F13A1: variants seen among roughly 807,000 people sequenced by gnomAD.
The protein encoded by F13A1 is coagulation factor XIII A chain.
Under a neutral mutation model 80.1 loss-of-function variants are expected in F13A1, and 47 were observed. The ratio of observed to expected loss-of-function variants is 0.59; its 90% CI spans 0.46 to 0.75. The LOEUF (loss-of-function observed/expected upper bound fraction) is 0.75. F13A1 is among the 30% of genes least tolerant of loss of function. The pLI is 0.00. For missense variants in F13A1, 817 were observed against 930.4 expected (o/e 0.88, Z 1.59); for synonymous variants, 349 against 344.9 (o/e 1.01, Z -0.13).
At chr6:6,268,938 G>A (rs189102636) in intron 3 of F13A1, among the ~76,000 whole-genome samples, 68 of 151,612 alleles carry the variant, frequency 4.5e-4, no homozygotes, top group Middle Eastern at 3.4e-3. Context: ...GTTCCCCCCC[G>A]CCTCAGCCTC....
At chr6:6,232,170 GA>G (rs2113075399) in intron 6 of F13A1, among the ~76,000 whole-genome samples, 1 of 152,150 alleles carries the variant, frequency 6.6e-6, no homozygotes, top group East Asian at 1.9e-4. Flanking sequence ...GAATGGATAA[GA>G]ACTCACCAAC....
chr6:6,150,167 G>A (rs1760348568), intron 14 of F13A1, among the ~76,000 whole-genome samples: 1 of 152,168 alleles, frequency 6.6e-6, no homozygotes, highest in Non-Finnish European at 1.5e-5. Flanking sequence ...TTTACTGTCT[G>A]GGAAGGAAAA....
chr6:6,189,798 G>T (rs914790074), intron 10 of F13A1, among the ~76,000 whole-genome samples: 6 of 151,330 alleles, frequency 4.0e-5, no homozygotes, highest in African/African-American at 1.5e-4. Context: ...AAGTTCTCCT[G>T]GATAATATCC....
intron 3 of F13A1, among the ~76,000 whole-genome samples, chr6:6,296,106 T>C (rs1272763284): frequency 2.0e-5 from 3 of 150,352 alleles, no homozygotes; most frequent in Admixed American, 6.6e-5. Context: ...TTGATCTATA[T>C]CTCTGTTTTG....
intron 3 of F13A1, among the ~76,000 whole-genome samples, chr6:6,286,887 G>A (rs1439591407): frequency 6.6e-6 from 1 of 152,190 alleles, no homozygotes; most frequent in East Asian, 1.9e-4. Context: ...GTCTGGCTCT[G>A]GCTGCTGTTA....
In F13A1 at chr6:6,266,823, G is replaced by C; in HGVS notation, c.320-14C>G. ...GTGGGTAGCGACCTATGAGAAGAGAGAAGAAATACTCTGTTAGGTTGATTT... is the reference window on the plus strand; with the variant it reads ...GTGGGTAGCGACCTATGAGAAGAGACAAGAAATACTCTGTTAGGTTGATTT... On this transcript the variant is annotated splice_polypyrimidine_tract_variant and intron_variant, in intron 3 of 14. Transcript: ENST00000264870. 1.9e-6 allele frequency: 3 copies of C among 1,614,094 alleles called. No individual in the cohort carries two copies. Among genetic ancestry groups the C allele is most frequent in the Non-Finnish European group, 2.5e-6 (3 of 1,179,982 alleles).
At chr6:6,175,743 G>A (rs1007304083) in intron 11 of F13A1, among the ~76,000 whole-genome samples, 11 of 152,236 alleles carry the variant, frequency 7.2e-5, no homozygotes, top group Admixed American at 2.0e-4. Flanking sequence ...TTGACAGGCG[G>A]TGGTGCACCT....
At chr6:6,242,507 A>C (rs1165133430) in intron 6 of F13A1, among the ~76,000 whole-genome samples, 1 of 152,204 alleles carries the variant, frequency 6.6e-6, no homozygotes, top group African/African-American at 2.4e-5. Flanking sequence ...AAATTTAAAA[A>C]TATGTAACTA....
chr6:6,187,966 C>T (rs1045954129), intron 10 of F13A1, among the ~76,000 whole-genome samples: 12 of 149,120 alleles, frequency 8.0e-5, no homozygotes, highest in African/African-American at 1.7e-4. Flanking sequence ...GTGTATGTGT[C>T]GAGGAATTTA....
chr6:6,148,214 T>A (rs749427946), intron 14 of F13A1, among the ~76,000 whole-genome samples: 4 of 152,242 alleles, frequency 2.6e-5, no homozygotes, highest in Admixed American at 6.5e-5. Context: ...GTTAAGAGTC[T>A]GTGGAGGTGG....
intron 9 of F13A1, 43 bp downstream of exon 9, chr6:6,197,180 A>T (rs1761306142): frequency 3.8e-6 from 6 of 1,580,500 alleles, no homozygotes; most frequent in Non-Finnish European, 5.2e-6. Flanking sequence ...CAAAACAAAG[A>T]TCAGCAATGA....
intron 1 of F13A1, among the ~76,000 whole-genome samples, chr6:6,319,838 A>G (rs1013839442): frequency 3.3e-5 from 5 of 152,244 alleles, no homozygotes; most frequent in African/African-American, 1.2e-4. Context: ...ATGGGTATCC[A>G]TAAGTATAGA....
intron 8 of F13A1, among the ~76,000 whole-genome samples, chr6:6,213,100 A>G (rs1225829155): frequency 1.3e-5 from 2 of 152,200 alleles, no homozygotes; most frequent in Admixed American, 1.3e-4. Flanking sequence ...GTTGGAAAAC[A>G]CTCTGCAGGA....
At chr6:6,242,302 A>G (rs1297773801) in intron 6 of F13A1, among the ~76,000 whole-genome samples, 1 of 152,206 alleles carries the variant, frequency 6.6e-6, no homozygotes, top group Non-Finnish European at 1.5e-5. Flanking sequence ...ACAATGCTAA[A>G]GAGTACATCG....
At chr6:6,167,051 C>A (rs979243107) in intron 13 of F13A1, among the ~76,000 whole-genome samples, 1 of 152,174 alleles carries the variant, frequency 6.6e-6, no homozygotes, top group Non-Finnish European at 1.5e-5. Flanking sequence ...CCTCCATAAA[C>A]AATATTACTG....
intron 2 of F13A1, among the ~76,000 whole-genome samples, chr6:6,315,611 C>G (rs761715968): frequency 1.3e-5 from 2 of 152,136 alleles, no homozygotes; most frequent in Non-Finnish European, 2.9e-5. Flanking sequence ...ATATCACACA[C>G]AGTGATGGGC....
intron 8 of F13A1, among the ~76,000 whole-genome samples, chr6:6,202,545 C>T (rs1761416233): frequency 1.3e-5 from 2 of 152,100 alleles, no homozygotes; most frequent in Non-Finnish European, 2.9e-5. Flanking sequence ...TTTTTATGTT[C>T]TCGGAGCCTT....
At chr6:6,305,694 G>T (rs769168459) in intron 2 of F13A1, 155 bp from the exon 3 acceptor site, 5 of 692,550 alleles carry the variant, frequency 7.2e-6, no homozygotes, top group Non-Finnish European at 1.3e-5. Flanking sequence ...ACACAGTCTC[G>T]AGAGTCAGCC....
intron 3 of F13A1, among the ~76,000 whole-genome samples, chr6:6,300,505 C>T (rs1280016195): frequency 3.3e-5 from 5 of 152,126 alleles, no homozygotes; most frequent in Non-Finnish European, 7.3e-5. Flanking sequence ...ACCCCATTTT[C>T]CAGGTGCCGT....
Sources: allele counts gnomAD v4.1 joint callset (sites outside exome capture counted in the v4.1 genomes callset), GRCh38; gene constraint gnomAD v4.1.1; transcripts MANE v1.5; gene names NCBI Gene and HGNC (gene_info 2026-07-23, HGNC 2026-07-21).